BLTP3B: variants seen among roughly 807,000 people sequenced by gnomAD.
BLTP3B encodes the protein UHRF1 (ICBP90) binding protein 1-like.
At chr12:100,047,675 A>T in the BLTP3B span, 170 of 1,410,536 alleles carry the variant, frequency 1.2e-4, no homozygotes, top group African/African-American at 2.2e-3. Flanking sequence ...ATGTTACTTC[A>T]TTCGGTCATA....
At chr12:100,046,720 T>TATA in the BLTP3B span, among the ~76,000 whole-genome samples, 5 of 151,858 alleles carry the variant, frequency 3.3e-5, 1 homozygote, top group Admixed American at 2.6e-4. Flanking sequence ...GAACTTAAAG[T>TATA]ATAATAATAA....
the BLTP3B span, among the ~76,000 whole-genome samples, chr12:100,116,480 A>G: frequency 1.3e-5 from 2 of 151,700 alleles, no homozygotes; most frequent in African/African-American, 4.8e-5. Context: ...AAGAAAAAAA[A>G]AGGTAAAATT....
chr12:100,088,238 G>A, the BLTP3B span, among the ~76,000 whole-genome samples: 1 of 152,138 alleles, frequency 6.6e-6, no homozygotes, highest in Non-Finnish European at 1.5e-5. Flanking sequence ...ACCAAAGTTT[G>A]AGAATTATAG....
the BLTP3B span, among the ~76,000 whole-genome samples, chr12:100,043,843 T>G: frequency 1.1e-4 from 16 of 152,218 alleles, no homozygotes; most frequent in African/African-American, 3.6e-4. Context: ...TGCTGTTGCC[T>G]CAGGGGCTAA....
At chr12:100,054,383 T>G in the BLTP3B span, among the ~76,000 whole-genome samples, 2 of 152,174 alleles carry the variant, frequency 1.3e-5, no homozygotes, top group Admixed American at 6.5e-5. Context: ...TGAGACTTTT[T>G]GGTGATTTTA....
the BLTP3B span, chr12:100,059,699 T>C: frequency 9.1e-7 from 1 of 1,097,630 alleles, no homozygotes; most frequent in East Asian, 2.6e-5. Context: ...TCTTATTAAA[T>C]TGAGTAAAGG....
the BLTP3B span, among the ~76,000 whole-genome samples, chr12:100,137,907 C>T: frequency 1.3e-5 from 2 of 152,136 alleles, no homozygotes; most frequent in Admixed American, 6.5e-5. Context: ...CTGTACAACC[C>T]TTTGCCATTG....
the BLTP3B span, among the ~76,000 whole-genome samples, chr12:100,074,494 G>C: frequency 1.3e-5 from 2 of 151,878 alleles, no homozygotes; most frequent in Non-Finnish European, 2.9e-5. Context: ...AGTTACTTGG[G>C]AGGCTGAGGC....
the BLTP3B span, chr12:100,037,421 G>A: frequency 7.7e-7 from 1 of 1,290,472 alleles, no homozygotes; most frequent in South Asian, 1.9e-5. Context: ...CTTAAAAGAG[G>A]GTTAAGCCCC....
the BLTP3B span, among the ~76,000 whole-genome samples, chr12:100,126,201 G>A: frequency 6.6e-6 from 1 of 152,162 alleles, no homozygotes; most frequent in Non-Finnish European, 1.5e-5. Context: ...AGTGAATAAG[G>A]CAGAGAGAAG....
chr12:100,121,078 T>C, the BLTP3B span, among the ~76,000 whole-genome samples: 2 of 152,038 alleles, frequency 1.3e-5, no homozygotes, highest in African/African-American at 4.8e-5. Flanking sequence ...CCGGGCACAG[T>C]GGCACACGCC....
chr12:100,066,903 A>G, the BLTP3B span, among the ~76,000 whole-genome samples: 11 of 152,264 alleles, frequency 7.2e-5, no homozygotes, highest in African/African-American at 2.6e-4. Flanking sequence ...TCAACAGAGC[A>G]TGGAACTTTC....
chr12:100,082,683 C>T, the BLTP3B span, among the ~76,000 whole-genome samples: 3,892 of 152,278 alleles, frequency 0.026, 160 homozygotes, highest in African/African-American at 0.089. Flanking sequence ...TCGACTTTGT[C>T]GAAGATCACA....
the BLTP3B span, among the ~76,000 whole-genome samples, chr12:100,044,079 G>GTTTGT: frequency 2.0e-5 from 3 of 151,896 alleles, no homozygotes; most frequent in Admixed American, 1.3e-4. Context: ...TTTTCTGTTT[G>GTTTGT]TTTGTTTTGT....
chr12:100,125,734 G>A, the BLTP3B span, among the ~76,000 whole-genome samples: 1 of 152,152 alleles, frequency 6.6e-6, no homozygotes, highest in Non-Finnish European at 1.5e-5. Flanking sequence ...AGCAAAAACT[G>A]AGTGCCTACT....
chr12:100,094,849 CTG>C, the BLTP3B span, among the ~76,000 whole-genome samples: 1 of 152,120 alleles, frequency 6.6e-6, no homozygotes, highest in Non-Finnish European at 1.5e-5. Flanking sequence ...TAAAGGGAGA[CTG>C]TTTCAAAAAA....
At chr12:100,066,628 C>G in the BLTP3B span, among the ~76,000 whole-genome samples, 1 of 131,168 alleles carries the variant, frequency 7.6e-6, no homozygotes, top group Non-Finnish European at 1.6e-5. Flanking sequence ...CCTGTCTCTA[C>G]TAAAAAAAAA....
At chr12:100,094,059 T>C in the BLTP3B span, among the ~76,000 whole-genome samples, 1 of 152,204 alleles carries the variant, frequency 6.6e-6, no homozygotes, top group Admixed American at 6.5e-5. Flanking sequence ...CACAGAACCC[T>C]TTCCCTTACT....
the BLTP3B span, among the ~76,000 whole-genome samples, chr12:100,142,295 G>C: frequency 6.6e-6 from 1 of 152,210 alleles, no homozygotes; most frequent in Non-Finnish European, 1.5e-5. Context: ...AGCCGAGCCG[G>C]GACGCCCCCA....
Sources: gnomAD v4.1 joint callset for allele counts (sites outside exome capture counted in the v4.1 genomes callset) on GRCh38, gnomAD v4.1.1 for gene constraint, MANE v1.5 for transcripts, NCBI Gene and HGNC (gene_info 2026-07-23, HGNC 2026-07-21) for gene names.